SLC24A1: variants seen among roughly 807,000 people sequenced by gnomAD.
SLC24A1 encodes sodium/potassium/calcium exchanger 1.
In SLC24A1, 52 loss-of-function variants were observed where a neutral mutation model predicts 88.1. The observed-to-expected ratio is 0.59, with a 90% CI of 0.47 to 0.74. The LOEUF (loss-of-function observed/expected upper bound fraction) is 0.74. Among genes scored for constraint, SLC24A1 ranks in the 30% least tolerant of loss-of-function variants. The pLI, the probability that SLC24A1 is intolerant of heterozygous loss-of-function variation, is 0.00. For synonymous variants in SLC24A1, 455 were observed against 498.0 expected, an observed-to-expected ratio of 0.91 and a Z score of 1.15; for missense variants, 1,173 against 1,363.3, an observed-to-expected ratio of 0.86 and a Z score of 2.20.
chr15:65,614,603 GT>G (rs2074076352), intron 2 of SLC24A1, among the ~76,000 whole-genome samples: 1 of 152,084 alleles, frequency 6.6e-6, no homozygotes, highest in Admixed American at 6.6e-5. Context: ...TCCTCTTTCA[GT>G]TTTTTCCAGA....
intron 2 of SLC24A1, among the ~76,000 whole-genome samples, chr15:65,637,090 A>T (rs1356996192): frequency 4.6e-5 from 7 of 152,134 alleles, no homozygotes; most frequent in Admixed American, 4.6e-4. Flanking sequence ...ATGCAGTGAA[A>T]AGTTAAACAG....
In SLC24A1 at chr15:65,650,269, C is replaced by A; in HGVS notation, c.2233-113C>A. On this transcript the variant is annotated intron_variant, in intron 6 of 9. Coordinates refer to ENST00000261892, the MANE Select transcript of SLC24A1 (RefSeq NM_004727.3). This position sits in a 1 kb window ranked among gnomAD's most constrained non-coding sequence, Gnocchi z 4.1. The stretch of plus-strand genomic sequence containing the variant: ...TTATCGCACTAGTTTTCTCCTCATA[C>A]TTAAGTTTTCAGATACCTTCTGAGA... 1.2e-6 allele frequency: 1 copy of A among 819,286 alleles called. No individual in the cohort carries two copies. The highest frequency in any genetic ancestry group is 1.9e-6 in the Non-Finnish European group (1 of 521,708). 50.8% of individuals were successfully genotyped at this position (819,286 alleles called of 1,614,324 possible). A position where few individuals can be genotyped will look rare whatever the true frequency, so the allele number is the denominator to read the frequency against.
At chr15:65,647,313 A>G (rs2075333186) in intron 6 of SLC24A1, among the ~76,000 whole-genome samples, 1 of 151,870 alleles carries the variant, frequency 6.6e-6, no homozygotes, top group Non-Finnish European at 1.5e-5. Flanking sequence ...CCCCATCTCT[A>G]CTAAAAATAC....
chr15:65,634,002 G>A (rs1262831410), intron 2 of SLC24A1, among the ~76,000 whole-genome samples: 3 of 152,182 alleles, frequency 2.0e-5, no homozygotes, highest in African/African-American at 7.2e-5. Flanking sequence ...TCTCAGGAAA[G>A]AGGTCTGACA....
intron 1 of SLC24A1, among the ~76,000 whole-genome samples, chr15:65,623,278 A>G (rs1457744123): frequency 1.3e-5 from 2 of 152,112 alleles, no homozygotes; most frequent in Non-Finnish European, 2.9e-5. Flanking sequence ...TATCATGCCC[A>G]TTTCACAGAT....
chr15:65,653,360 A>G (rs1295705718), intron 9 of SLC24A1, among the ~76,000 whole-genome samples: 2 of 152,130 alleles, frequency 1.3e-5, no homozygotes, highest in African/African-American at 4.8e-5. Flanking sequence ...GAATTTGTGT[A>G]TGTGTATTTG....
chr15:65,629,154 C>A (rs1346499574), intron 2 of SLC24A1, among the ~76,000 whole-genome samples: 1 of 152,202 alleles, frequency 6.6e-6, no homozygotes, highest in African/African-American at 2.4e-5. Context: ...TGGAAACATA[C>A]AATCAGCGGA....
Position 65,654,429 on chromosome 15 carries a change from G to A in SLC24A1, c.*350G>A, listed in dbSNP as rs1311601328. The A allele has an allele frequency of 6.0e-6, 7 of 1,164,296 alleles. No homozygotes were observed. The highest frequency in any genetic ancestry group is 6.4e-5 in the East Asian group (1 of 15,550). The allele number at this position is 1,164,296 out of a possible 1,614,324, so 72.1% of individuals were successfully genotyped here. On this transcript the variant is annotated 3_prime_UTR_variant, in exon 10 of 10. Transcript: ENST00000261892. ...CAGCAGCTATAAGACAAGCTCCTAC[G>A]CTCACTGTTCCCTGATCATTCCAAA... is the stretch of plus-strand genomic sequence containing the variant.
chr15:65,650,309 A>C lies in SLC24A1; in HGVS notation c.2233-73A>C. On this transcript the variant is annotated intron_variant, in intron 6 of 9. Transcript: ENST00000261892. This position sits in a 1 kb window ranked among gnomAD's most constrained non-coding sequence, Gnocchi z 4.1. ...ACCTTCTGAGAAGCACGCCAACAAA[A>C]AAATGGGGGAGTAACATAAGGAAAA... 1 of 1,305,452 alleles carries C rather than the reference A, an allele frequency of 7.7e-7. No individual in the cohort carries two copies. The highest frequency in any genetic ancestry group is 1.1e-6 in the Non-Finnish European group (1 of 951,054). 80.9% of individuals were successfully genotyped at this position (1,305,452 alleles called of 1,614,324 possible).
intron 2 of SLC24A1, among the ~76,000 whole-genome samples, chr15:65,614,716 T>C (rs903873578): frequency 1.3e-5 from 2 of 152,230 alleles, no homozygotes; most frequent in African/African-American, 2.4e-5. Flanking sequence ...TAACTTTGCC[T>C]CTGCTCTGAA....
intron 9 of SLC24A1, among the ~76,000 whole-genome samples, chr15:65,653,084 C>T (rs1220553080): frequency 6.6e-6 from 1 of 152,176 alleles, no homozygotes; most frequent in Non-Finnish European, 1.5e-5. Context: ...CCGTCAAATG[C>T]TCTGCTCACT....
chr15:65,637,418 C>T (rs540109147), intron 2 of SLC24A1, among the ~76,000 whole-genome samples: 2 of 152,122 alleles, frequency 1.3e-5, no homozygotes, highest in African/African-American at 2.4e-5. Context: ...AAGAATTCAC[C>T]CTGAATTTTA....
chr15:65,632,314 G>A (rs1363897881), intron 2 of SLC24A1, among the ~76,000 whole-genome samples: 1 of 152,222 alleles, frequency 6.6e-6, no homozygotes, highest in Non-Finnish European at 1.5e-5. Context: ...GACTTGGTGT[G>A]AAGTGGATAT....
chr15:65,657,599 G>T (rs1052095119), downstream of SLC24A1, among the ~76,000 whole-genome samples: 2 of 152,200 alleles, frequency 1.3e-5, no homozygotes, highest in Non-Finnish European at 2.9e-5. Flanking sequence ...AGCCGAGATC[G>T]TGCCACTGCA....
Position 65,623,937 on chromosome 15 carries a change from T to G in SLC24A1, c.-126-18T>G. On this transcript the variant is annotated intron_variant, in intron 1 of 9. Coordinates refer to ENST00000261892, the MANE Select transcript of SLC24A1 (RefSeq NM_004727.3). ...TCTCCTCTTAGTGGTAAATAATCTCTTTTTTTTACCCACCTAGGGTTGTGG... is the reference window on the plus strand; with the variant it reads ...TCTCCTCTTAGTGGTAAATAATCTCGTTTTTTTACCCACCTAGGGTTGTGG... 1 of 643,992 alleles carries G rather than the reference T, an allele frequency of 1.6e-6. No homozygotes were observed. Among genetic ancestry groups the G allele is most frequent in the Non-Finnish European group, 2.7e-6 (1 of 374,822 alleles). 39.9% of individuals were successfully genotyped at this position (643,992 alleles called of 1,614,324 possible).
chr15:65,640,651 C>T (rs1359394804), intron 4 of SLC24A1, among the ~76,000 whole-genome samples: 1 of 152,104 alleles, frequency 6.6e-6, no homozygotes, highest in African/African-American at 2.4e-5. Flanking sequence ...CCATTGAGTC[C>T]CAGGGAGCAC....
At chr15:65,635,677 T>A (rs773813811) in intron 2 of SLC24A1, among the ~76,000 whole-genome samples, 2 of 152,132 alleles carry the variant, frequency 1.3e-5, no homozygotes, top group Non-Finnish European at 2.9e-5. Flanking sequence ...ATTTTTATGT[T>A]CATTCATTCA....
At chr15:65,658,939 G>A (rs1384520658), downstream of SLC24A1, among the ~76,000 whole-genome samples, 1 of 152,080 alleles carries the variant, frequency 6.6e-6, no homozygotes, top group Non-Finnish European at 1.5e-5. Context: ...TAGTGTTAGG[G>A]TTTTAGAGCA....
intron 2 of SLC24A1, among the ~76,000 whole-genome samples, chr15:65,634,994 G>A (rs1181606162): frequency 2.6e-5 from 4 of 152,130 alleles, no homozygotes; most frequent in African/African-American, 9.7e-5. Context: ...AAAGGCTTCA[G>A]AAAGTTAGAA....
Sources: gnomAD v4.1 joint callset for allele counts (sites outside exome capture counted in the v4.1 genomes callset) on GRCh38, gnomAD v4.1.1 for gene constraint, Gnocchi (gnomAD v3.1) non-coding constraint, MANE v1.5 for transcripts, NCBI Gene and HGNC (gene_info 2026-07-23, HGNC 2026-07-21) for gene names.